The following FKBP1A variants were observed in gnomAD, a reference collection of about 807,000 sequenced individuals.
The protein encoded by FKBP1A is FKBP prolyl isomerase 1A.
A neutral mutation model predicts 14.2 loss-of-function variants in FKBP1A; 5 were observed. That is an observed-to-expected ratio of 0.35 (90% CI 0.18 to 0.74). FKBP1A has a LOEUF of 0.74. FKBP1A is among the 30% of genes least tolerant of loss of function. The pLI is 0.56. For synonymous variants in FKBP1A, 42 were observed against 49.1 expected (o/e 0.86, Z 0.60); for missense variants, 53 against 138.8 (o/e 0.38, Z 3.10).
At chr20:1,371,454 A>G (rs1203393980) in intron 4 of FKBP1A, among the ~76,000 whole-genome samples, 1 of 152,184 alleles carries the variant, frequency 6.6e-6, no homozygotes, top group Non-Finnish European at 1.5e-5. Flanking sequence ...CTGATCTAAG[A>G]GCATCCTTTC....
In FKBP1A at chr20:1,374,169, T is replaced by C. The variant is rs1288946511; in HGVS notation, c.198+1322A>G. The stretch of plus-strand genomic sequence containing the variant: ...ATGCAGAGCCTAATTATAAAGTTCC[T>C]TGGGTCTCAGGTCACTGAAAAACAT... On this transcript the variant is annotated intron_variant, in intron 3 of 4. Coordinates refer to ENST00000400137, the MANE Select transcript of FKBP1A (RefSeq NM_000801.5). Among the ~76,000 whole-genome samples, 39 of 152,208 alleles carry C rather than the reference T, an allele frequency of 2.6e-4. 2 individuals are homozygous for C. Among genetic ancestry groups the C allele is most frequent in the Admixed American group, 2.6e-3 (39 of 15,278 alleles).
chr20:1,376,831 T>G (rs1264770673), intron 2 of FKBP1A: 1 of 152,208 alleles, frequency 6.6e-6, no homozygotes, highest in Non-Finnish European at 1.5e-5. Flanking sequence ...CGACGGCGCC[T>G]TCCAATAAAA....
chr20:1,391,589 G>A (rs2089737490), intron 2 of FKBP1A: 5 of 398,482 alleles, frequency 1.3e-5, no homozygotes, highest in Non-Finnish European at 8.8e-6. Context: ...CATGGGAGGG[G>A]GGATGTTAGT....
chr20:1,389,228 A>T (rs1370163467), intron 2 of FKBP1A, among the ~76,000 whole-genome samples: 1 of 152,204 alleles, frequency 6.6e-6, no homozygotes, highest in Non-Finnish European at 1.5e-5. Context: ...TTAGTTCACT[A>T]GCCATGTCCC....
chr20:1,370,319 G>C (rs2089446577), intron 4 of FKBP1A: 2 of 985,292 alleles, frequency 2.0e-6, no homozygotes, highest in African/African-American at 3.5e-5. Flanking sequence ...GCCTTGCTGA[G>C]GACAGCAGGA....
Position 1,386,047 on chromosome 20 carries a change from T to G in FKBP1A, c.85+6787A>C, listed in dbSNP as rs2089666251. ...GTGAGATGAAGGCAGGAACTGTGTCTTCTTCACTCCTAAATTCTTGGTAGC... is the reference window on the plus strand; with the variant it reads ...GTGAGATGAAGGCAGGAACTGTGTCGTCTTCACTCCTAAATTCTTGGTAGC... On this transcript the variant is annotated intron_variant, in intron 2 of 4. Transcript: ENST00000400137. The surrounding 1 kb of genome is among the most constrained non-coding windows in gnomAD (Gnocchi z 4.7). Among the ~76,000 whole-genome samples the G allele has an allele frequency of 2.0e-5, 3 of 152,262 alleles. No homozygotes were observed. The South Asian group carries it at 6.2e-4, about 31-fold the overall frequency.
chr20:1,382,565 T>G (rs1179048069), intron 2 of FKBP1A, among the ~76,000 whole-genome samples: 4 of 152,174 alleles, frequency 2.6e-5, no homozygotes, highest in Admixed American at 2.6e-4. Context: ...ATGGTGCTGG[T>G]ACTCAAGAGC....
At chr20:1,371,137 C>T in intron 4 of FKBP1A, 1 of 985,434 alleles carries the variant, frequency 1.0e-6, no homozygotes, top group Non-Finnish European at 1.2e-6. Context: ...TTGGCTGTGA[C>T]CCTCTGGTTC....
intron 2 of FKBP1A, among the ~76,000 whole-genome samples, chr20:1,382,919 A>G (rs2089632297): frequency 6.6e-6 from 1 of 152,122 alleles, no homozygotes; most frequent in African/African-American, 2.4e-5. Flanking sequence ...AAGTCTGTCT[A>G]CTCCACAGCA....
At chr20:1,392,689 G>A (rs1360427911) in intron 2 of FKBP1A, 145 bp downstream of exon 2, 17 of 487,164 alleles carry the variant, frequency 3.5e-5, no homozygotes, top group Non-Finnish European at 4.1e-5. Context: ...CTGAGCCACC[G>A]CCCAGGCCTC....
chr20:1,385,813 C>T (rs1373442379), intron 2 of FKBP1A, among the ~76,000 whole-genome samples: 1 of 152,184 alleles, frequency 6.6e-6, no homozygotes, highest in African/African-American at 2.4e-5. Flanking sequence ...ATTTGCTGTT[C>T]TCTCTGCCTA....
intron 2 of FKBP1A, among the ~76,000 whole-genome samples, chr20:1,389,961 C>T (rs1217052263): frequency 6.6e-6 from 1 of 152,178 alleles, no homozygotes; most frequent in Non-Finnish European, 1.5e-5. Context: ...TATTTTCCCT[C>T]TGGTACCACA....
chr20:1,372,275 A>T (rs1309960862), intron 3 of FKBP1A, 35 bp from the exon 4 acceptor site: 5 of 1,608,998 alleles, frequency 3.1e-6, no homozygotes, highest in South Asian at 1.1e-5. Context: ...ACTCAGCTGG[A>T]CACATGCCCC....
intron 4 of FKBP1A, chr20:1,371,658 T>C (rs944843515): frequency 2.1e-6 from 2 of 949,570 alleles, no homozygotes; most frequent in Admixed American, 6.1e-5. Flanking sequence ...ATGATATTCA[T>C]ATCCAAAGGG....
chr20:1,383,640 A>G (rs542349775), intron 2 of FKBP1A, among the ~76,000 whole-genome samples: 2 of 151,300 alleles, frequency 1.3e-5, no homozygotes, highest in South Asian at 4.2e-4. Context: ...CAGCCTGGGC[A>G]ACACAGCAAG....
intron 2 of FKBP1A, among the ~76,000 whole-genome samples, chr20:1,390,467 GAAACA>G (rs765956050): frequency 6.6e-6 from 1 of 152,080 alleles, no homozygotes; most frequent in Non-Finnish European, 1.5e-5. Flanking sequence ...AGTCAGGCAG[GAAACA>G]AAACAAAACA....
intron 2 of FKBP1A, chr20:1,378,653 T>C (rs2089580776): frequency 6.6e-6 from 1 of 152,166 alleles, no homozygotes; most frequent in Admixed American, 6.5e-5. Flanking sequence ...GGGAAATCTC[T>C]GTACATGCCT....
rs1301551140 is a variant in FKBP1A, at chr20:1,379,537, C to T, written c.86-3934G>A. ...GATTTCTAAGTAAAGGAGCTTTAAA[C>T]AGGACCTTTGCCTAGGATCTTAATT... On this transcript the variant is annotated intron_variant, in intron 2 of 4. Coordinates refer to ENST00000400137, the MANE Select transcript of FKBP1A (RefSeq NM_000801.5). The surrounding 1 kb of genome is among the most constrained non-coding windows in gnomAD (Gnocchi z 4.3). Among the ~76,000 whole-genome samples the T allele has an allele frequency of 7.2e-5, 11 of 152,190 alleles. No individual in the cohort carries two copies. Among genetic ancestry groups the T allele is most frequent in the Non-Finnish European group, 1.6e-4 (11 of 68,028 alleles).
intron 2 of FKBP1A, chr20:1,377,882 G>A (rs1176297667): frequency 6.6e-6 from 1 of 152,166 alleles, no homozygotes; most frequent in Non-Finnish European, 1.5e-5. Context: ...GCTTCTCTCT[G>A]GTCTGTTATT....
Sources: allele counts gnomAD v4.1 joint callset (sites outside exome capture counted in the v4.1 genomes callset), GRCh38; gene constraint gnomAD v4.1.1; non-coding constraint Gnocchi (gnomAD v3.1); transcripts MANE v1.5; gene names NCBI Gene and HGNC (gene_info 2026-07-23, HGNC 2026-07-21).